Variants in PLXNA4 observed in about 807,000 individuals in gnomAD.
The protein encoded by PLXNA4 is plexin-A4.
A neutral mutation model predicts 191.8 loss-of-function variants in PLXNA4; 44 were observed. That is an observed-to-expected ratio of 0.23 (90% CI 0.18 to 0.29). The LOEUF (loss-of-function observed/expected upper bound fraction) is 0.29. PLXNA4 is among the 10% of genes least tolerant of loss of function. The pLI is 1.00. For synonymous variants in PLXNA4, 1,082 were observed against 1,009.5 expected (o/e 1.07, Z -1.36); for missense variants, 1,800 against 2,488.8 (o/e 0.72, Z 5.89).
chr7:132,316,285 T>C (rs1158388661), intron 3 of PLXNA4, among the ~76,000 whole-genome samples: 1 of 152,142 alleles, frequency 6.6e-6, no homozygotes, highest in Non-Finnish European at 1.5e-5. Flanking sequence ...ACTTTTTGGG[T>C]TTAGGTTAAG....
At chr7:132,204,048 A>T (rs973290863) in intron 10 of PLXNA4, among the ~76,000 whole-genome samples, 2 of 152,068 alleles carry the variant, frequency 1.3e-5, no homozygotes, top group Non-Finnish European at 2.9e-5. Context: ...GACGGGGGAA[A>T]TCCTGAGGAC....
In PLXNA4 at chr7:132,311,198, G is replaced by GTGCA. The variant is rs71178035; in HGVS notation, c.1372-12977_1372-12976insTGCA. 5.3e-5 allele frequency among the ~76,000 whole-genome samples: 8 copies of GTGCA among 150,894 alleles called. 1 individual carries two copies. Among genetic ancestry groups the GTGCA allele is most frequent in the Non-Finnish European group, 8.8e-5 (6 of 67,844 alleles). ...TGTGTGTGTGTGTGTGTGTGTGCGCGTGTGGCCTAAAGGAGGGTCAGAAGG... is the reference window on the plus strand; with the variant it reads ...TGTGTGTGTGTGTGTGTGTGTGCGCGTGCATGTGGCCTAAAGGAGGGTCAGAAGG... On this transcript the variant is annotated intron_variant, in intron 3 of 31. Coordinates refer to ENST00000321063, the MANE Select transcript of PLXNA4 (RefSeq NM_020911.2).
chr7:132,378,938 G>A (rs565422732), intron 3 of PLXNA4, among the ~76,000 whole-genome samples: 3 of 141,422 alleles, frequency 2.1e-5, no homozygotes, highest in South Asian at 2.3e-4. Context: ...TACAACCTCC[G>A]CCTCCCAGGC....
intron 3 of PLXNA4, chr7:132,385,203 G>A: frequency 1.2e-6 from 2 of 1,614,066 alleles, no homozygotes; most frequent in Non-Finnish European, 1.7e-6. Flanking sequence ...TTGATGAACA[G>A]CTGGAGAACA....
At chr7:132,201,613 C>T (rs1019083396) in intron 12 of PLXNA4, among the ~76,000 whole-genome samples, 1 of 152,178 alleles carries the variant, frequency 6.6e-6, no homozygotes, top group Non-Finnish European at 1.5e-5. Context: ...GTATTGAGCA[C>T]CTACTGTGTG....
At chr7:132,330,192 G>A (rs744768) in intron 3 of PLXNA4, among the ~76,000 whole-genome samples, 66,573 of 152,038 alleles carry the variant, frequency 0.44, 15,782 homozygotes, top group African/African-American at 0.62. Context: ...GGAAGGACCT[G>A]GATTGTTTGG....
intron 20 of PLXNA4, among the ~76,000 whole-genome samples, chr7:132,178,942 C>G (rs548041945): frequency 8.3e-6 from 1 of 120,674 alleles, no homozygotes; most frequent in Non-Finnish European, 1.6e-5. Context: ...CATACACACA[C>G]GTGCACACAC....
At chr7:132,169,999 T>C in intron 21 of PLXNA4, among the ~76,000 whole-genome samples, 1 of 151,894 alleles carries the variant, frequency 6.6e-6, no homozygotes, top group East Asian at 1.9e-4. Context: ...CGGAGTCACG[T>C]CTTGAGGGCT....
intron 2 of PLXNA4, among the ~76,000 whole-genome samples, chr7:132,590,110 G>A (rs1802579377): frequency 6.6e-6 from 1 of 152,188 alleles, no homozygotes; most frequent in Non-Finnish European, 1.5e-5. Context: ...ACAGAAAAGA[G>A]TTAGGAAAAT....
At chr7:132,193,430 G>T (rs1797155934) in intron 14 of PLXNA4, among the ~76,000 whole-genome samples, 2 of 152,168 alleles carry the variant, frequency 1.3e-5, no homozygotes, top group Non-Finnish European at 2.9e-5. Context: ...TTCTTCTACA[G>T]CAGCAGTAAA....
intron 3 of PLXNA4, among the ~76,000 whole-genome samples, chr7:132,390,040 C>T (rs1442356870): frequency 6.6e-6 from 1 of 152,106 alleles, no homozygotes; most frequent in Non-Finnish European, 1.5e-5. Context: ...CTAGAAATAC[C>T]ATTTGACCCA....
At chr7:132,132,653 C>G (rs186147995) in intron 31 of PLXNA4, among the ~76,000 whole-genome samples, 1 of 151,950 alleles carries the variant, frequency 6.6e-6, no homozygotes, top group East Asian at 1.9e-4. Context: ...CTATTCTATT[C>G]TACAACATAC....
At chr7:132,530,772 T>C (rs144078549) in intron 1 of PLXNA4, among the ~76,000 whole-genome samples, 2 of 152,246 alleles carry the variant, frequency 1.3e-5, no homozygotes, top group Admixed American at 6.5e-5. Flanking sequence ...CAGACAGATA[T>C]TTGTACAACA....
At chr7:132,146,753 C>G in intron 27 of PLXNA4, 53 bp from the exon 28 acceptor site, 1 of 1,592,980 alleles carries the variant, frequency 6.3e-7, no homozygotes, top group South Asian at 1.1e-5. Context: ...CAGCCTTAGC[C>G]CATCACTTAC....
chr7:132,631,105 C>A (rs1803482795), intron 2 of PLXNA4, among the ~76,000 whole-genome samples: 1 of 152,174 alleles, frequency 6.6e-6, no homozygotes, highest in African/African-American at 2.4e-5. Flanking sequence ...TCTTTGAAAT[C>A]TCACATTTTA....
intron 4 of PLXNA4, among the ~76,000 whole-genome samples, chr7:132,278,003 C>T (rs1800341440): frequency 6.6e-6 from 1 of 152,142 alleles, no homozygotes; most frequent in Admixed American, 6.6e-5. Flanking sequence ...ACAATAAGTG[C>T]CTGCTGAATT....
At chr7:132,466,132 T>C (rs1796690091) in intron 3 of PLXNA4, among the ~76,000 whole-genome samples, 2 of 152,138 alleles carry the variant, frequency 1.3e-5, no homozygotes, top group East Asian at 3.9e-4. Flanking sequence ...AAAGGGGTCA[T>C]CTATCATTGC....
At chr7:132,315,668 A>C (rs907774704) in intron 3 of PLXNA4, among the ~76,000 whole-genome samples, 1 of 152,180 alleles carries the variant, frequency 6.6e-6, no homozygotes, top group Admixed American at 6.5e-5. Flanking sequence ...CAAATGATTG[A>C]CTTCTGTTCT....
chr7:132,589,454 A>G (rs1802566170), intron 2 of PLXNA4, among the ~76,000 whole-genome samples: 1 of 152,228 alleles, frequency 6.6e-6, no homozygotes, highest in Non-Finnish European at 1.5e-5. Flanking sequence ...TAGAAAGTTG[A>G]TGATAGCATA....
Sources: allele counts gnomAD v4.1 joint callset (sites outside exome capture counted in the v4.1 genomes callset), GRCh38; gene constraint gnomAD v4.1.1; transcripts MANE v1.5; gene names NCBI Gene and HGNC (gene_info 2026-07-23, HGNC 2026-07-21).